Variants in TBX18 observed in about 807,000 individuals in gnomAD.
The protein encoded by TBX18 is T-box transcription factor TBX18.
Under a neutral mutation model 55.0 loss-of-function variants are expected in TBX18, and 21 were observed. That is an observed-to-expected ratio of 0.38 (90% CI 0.27 to 0.55). TBX18 has a LOEUF of 0.55. Ranked by LOEUF, TBX18 falls within the 20% of genes least tolerant of loss-of-function variation. The pLI is 0.73. For synonymous variants in TBX18, 342 were observed against 326.1 expected, an observed-to-expected ratio of 1.05 and a Z score of -0.53; for missense variants, 840 against 799.6, an observed-to-expected ratio of 1.05 and a Z score of -0.61.
At position 84,764,224 on chromosome 6, in the gene TBX18, C is replaced by T. The variant is rs769766354; in HGVS notation, c.-43G>A. On this transcript the variant is annotated 5_prime_UTR_variant, in exon 1 of 8. Coordinates refer to ENST00000369663, the MANE Select transcript of TBX18 (RefSeq NM_001080508.3). ...CGCCCGCCCCTCTCTCATATACACT[C>T]ACGCGGGCACACGCGCGCTCTCGCT... 20 of 1,372,716 alleles carry T rather than the reference C, an allele frequency of 1.5e-5. No homozygotes were observed. The highest frequency in any genetic ancestry group is 2.7e-4 in the Middle Eastern group (1 of 3,746). The allele number at this position is 1,372,716 out of a possible 1,614,324, so 85.0% of individuals were successfully genotyped here.
chr6:84,763,369 C>T, intron 1 of TBX18: 1 of 457,544 alleles, frequency 2.2e-6, no homozygotes, highest in East Asian at 6.9e-5. Context: ...CCCGCGGTCG[C>T]CGTCGGCCTT....
intron 4 of TBX18, among the ~76,000 whole-genome samples, chr6:84,755,842 T>C (rs1767472597): frequency 6.6e-6 from 1 of 152,248 alleles, no homozygotes. Context: ...TATTATTAGT[T>C]TATGACAACT....
At chr6:84,743,947 G>T (rs1562258904) in intron 6 of TBX18, among the ~76,000 whole-genome samples, 1 of 152,198 alleles carries the variant, frequency 6.6e-6, no homozygotes, top group Non-Finnish European at 1.5e-5. Flanking sequence ...TAGAGGCAGA[G>T]AGGATATTTA....
chr6:84,763,458 T>C, intron 1 of TBX18: 1 of 464,930 alleles, frequency 2.2e-6, no homozygotes, highest in Non-Finnish European at 4.3e-6. Flanking sequence ...TATGCCGCCC[T>C]CTTCCTGGTT....
At chr6:84,753,244 A>G (rs771965083) in intron 4 of TBX18, among the ~76,000 whole-genome samples, 3 of 152,178 alleles carry the variant, frequency 2.0e-5, no homozygotes, top group Non-Finnish European at 4.4e-5. Context: ...CTGAAAAGTC[A>G]CTTTTGGCAA....
chr6:84,733,140 T>C lies in TBX18; in HGVS notation c.*3545A>G, dbSNP rs902643685. On this transcript the variant is annotated 3_prime_UTR_variant, in exon 8 of 8. Coordinates refer to ENST00000369663, the MANE Select transcript of TBX18 (RefSeq NM_001080508.3). ...AAAGAAAGCACATTATTTGAAAATATATCAGCATGTAGAGGGATACTAAGT... is the reference window on the plus strand; with the variant it reads ...AAAGAAAGCACATTATTTGAAAATACATCAGCATGTAGAGGGATACTAAGT... 7.2e-5 allele frequency: 11 copies of C among 152,180 alleles called. No individual in the cohort carries two copies. Among genetic ancestry groups the C allele is most frequent in the Non-Finnish European group, 1.2e-4 (8 of 68,022 alleles). The allele number at this position is 152,180 out of a possible 1,614,324, so 9.4% of individuals were successfully genotyped here.
In TBX18 at chr6:84,763,926, C is replaced by CCGGTCCAGACGT. The variant is rs1562269340; in HGVS notation, c.255_256insACGTCTGGACCG (p.Thr82_Pro85dup). 1 of 1,571,174 alleles carries CCGGTCCAGACGT rather than the reference C, an allele frequency of 6.4e-7. No homozygotes were observed. Among genetic ancestry groups the CCGGTCCAGACGT allele is most frequent in the East Asian group, 2.4e-5 (1 of 42,518 alleles). On this transcript the variant is annotated inframe_insertion, in exon 1 of 8. Transcript: ENST00000369663. ...CGCTCCAGGTCTGCGCCACTCCGAG[C>CCGGTCCAGACGT]CGGCCCAGACGTCGCCCCAGCCGGC...
chr6:84,755,403 A>G (rs978573423), intron 4 of TBX18, among the ~76,000 whole-genome samples: 1 of 152,214 alleles, frequency 6.6e-6, no homozygotes, highest in Non-Finnish European at 1.5e-5. Context: ...AAAATGTTCT[A>G]TTCCAAAAAA....
intron 1 of TBX18, 130 bp from the exon 2 acceptor site, chr6:84,762,878 CA>C: frequency 1.2e-6 from 1 of 838,188 alleles, no homozygotes; most frequent in Non-Finnish European, 1.9e-6. Flanking sequence ...TTGGTGCCAT[CA>C]GGTCCTCCTA....
intron 7 of TBX18, among the ~76,000 whole-genome samples, chr6:84,737,645 C>G (rs1224726323): frequency 2.6e-5 from 4 of 152,180 alleles, no homozygotes; most frequent in Non-Finnish European, 5.9e-5. Flanking sequence ...AACAAATCAA[C>G]AGTCCTGTGA....
intron 3 of TBX18, 103 bp downstream of exon 3, chr6:84,760,152 G>T: frequency 1.5e-6 from 1 of 652,072 alleles, no homozygotes; most frequent in South Asian, 6.0e-5. Context: ...AAATTCTACA[G>T]ACTTCTGGAA....
chr6:84,755,681 AAC>A (rs772653584), intron 4 of TBX18, among the ~76,000 whole-genome samples: 21 of 152,364 alleles, frequency 1.4e-4, no homozygotes, highest in Non-Finnish European at 2.9e-4. Flanking sequence ...AAGAAACAAA[AAC>A]ACTGGCGGTG....
chr6:84,760,122 G>A (rs760372282), intron 3 of TBX18, 133 bp downstream of exon 3: 4 of 470,898 alleles, frequency 8.5e-6, no homozygotes, highest in Non-Finnish European at 1.0e-5. Flanking sequence ...GCACCCATGG[G>A]CGTTAAAGTA....
At chr6:84,738,671 T>A in intron 6 of TBX18, 80 bp from the exon 7 acceptor site, 2 of 1,065,130 alleles carry the variant, frequency 1.9e-6, no homozygotes, top group Non-Finnish European at 2.9e-6. Context: ...GCAGCAAGCA[T>A]CTCAAAACAA....
At chr6:84,747,133 T>C (rs909073169) in intron 5 of TBX18, among the ~76,000 whole-genome samples, 2 of 150,256 alleles carry the variant, frequency 1.3e-5, no homozygotes, top group Non-Finnish European at 3.0e-5. Context: ...GAAATGTATA[T>C]AAATGTAAAG....
chr6:84,737,442 C>T (rs1337664871), intron 7 of TBX18, 33 bp from the exon 8 acceptor site: 15 of 1,493,548 alleles, frequency 1.0e-5, no homozygotes, highest in Non-Finnish European at 1.2e-5. Context: ...AAGAATGACT[C>T]CACAGTCATC....
At chr6:84,744,435 T>C (rs1008345699) in intron 5 of TBX18, 110 bp from the exon 6 acceptor site, 7 of 807,198 alleles carry the variant, frequency 8.7e-6, no homozygotes, top group Non-Finnish European at 1.4e-5. Flanking sequence ...GACTCTATTG[T>C]ATAAGCCTCT....
At chr6:84,763,584 G>A in intron 1 of TBX18, 1 of 634,718 alleles carries the variant, frequency 1.6e-6, no homozygotes, top group South Asian at 1.6e-5. Flanking sequence ...CCCATTGGCT[G>A]GAACCCCAAG....
intron 3 of TBX18, among the ~76,000 whole-genome samples, chr6:84,759,795 G>A: frequency 6.6e-6 from 1 of 150,920 alleles, no homozygotes; most frequent in East Asian, 1.9e-4. Flanking sequence ...ATAATATTCT[G>A]AAATTAAAAA....
Sources: gnomAD v4.1 joint callset for allele counts (sites outside exome capture counted in the v4.1 genomes callset) on GRCh38, gnomAD v4.1.1 for gene constraint, MANE v1.5 for transcripts, NCBI Gene and HGNC (gene_info 2026-07-23, HGNC 2026-07-21) for gene names.